The following HMCN1 variants were observed in gnomAD, a reference collection of about 807,000 sequenced individuals.
HMCN1 encodes hemicentin-1.
A neutral mutation model predicts 625.9 loss-of-function variants in HMCN1; 321 were observed. The observed-to-expected ratio is 0.51, with a 90% CI of 0.47 to 0.56. HMCN1 has a LOEUF of 0.56. HMCN1 is among the 20% of genes least tolerant of loss of function. The probability of loss-of-function intolerance (pLI) is 0.00; values close to 1 mark genes in which losing one functional copy is unlikely to be tolerated. For synonymous variants in HMCN1, 2,425 were observed against 2,417.6 expected, an observed-to-expected ratio of 1.00 and a Z score of -0.09; for missense variants, 6,588 against 6,887.3, an observed-to-expected ratio of 0.96 and a Z score of 1.54.
intron 53 of HMCN1, among the ~76,000 whole-genome samples, chr1:186,075,389 A>G (rs1251498711): frequency 6.6e-6 from 1 of 152,156 alleles, no homozygotes. Context: ...GAATAAATAA[A>G]TAAATAAATG....
intron 1 of HMCN1, among the ~76,000 whole-genome samples, chr1:185,808,387 T>C (rs1659307319): frequency 6.6e-6 from 1 of 151,834 alleles, no homozygotes; most frequent in African/African-American, 2.4e-5. Context: ...AAAATGGTGG[T>C]GCATGCCTGT....
rs973079674 is a variant in HMCN1, at chr1:186,119,277, C to T, written c.11935C>T (p.His3979Tyr). Reference sequence around the variant, plus strand: ...GAATGCGGCTGGCTCTGCACATCGACACGTGACCCTTCATGTTCATGGTAT... The same window carrying T: ...GAATGCGGCTGGCTCTGCACATCGATACGTGACCCTTCATGTTCATGGTAT... The part of the protein sequence containing the change: ...ARNAAGSAHR[H>Y]VTLHVHEPPV... The change falls in exon 78 of 107, where the codon CAC becomes TAC. Residue 3979 changes from histidine (H) to tyrosine (Y), a missense_variant. Physicochemically the swap from His to Tyr is moderately conservative, Grantham distance 83. Coordinates refer to ENST00000271588, the MANE Select transcript of HMCN1 (RefSeq NM_031935.3). 8.1e-6 allele frequency: 13 copies of T among 1,613,310 alleles called. No individual in the cohort carries two copies. The African/African-American group carries it at 1.7e-4, about 22-fold the overall frequency.
Position 186,095,375 on chromosome 1 carries a change from T to C in HMCN1, c.10427T>C (p.Leu3476Pro). The C allele has an allele frequency of 6.2e-7, 1 of 1,613,766 alleles. No individual in the cohort carries two copies. Among genetic ancestry groups the C allele is most frequent in the Non-Finnish European group, 8.5e-7 (1 of 1,179,858 alleles). Reference sequence around the variant, plus strand: ...GCCTGGCTTAGAGATGGCCAGCCTCTGGGGCTTGATGCCCATCTGACAGTC... The same window carrying C: ...GCCTGGCTTAGAGATGGCCAGCCTCCGGGGCTTGATGCCCATCTGACAGTC... ...SMAWLRDGQP[L>P]GLDAHLTVST... The change falls in exon 68 of 107, where the codon CTG becomes CCG. Residue 3476 changes from leucine to proline, a missense_variant. Around this residue, in one of 3 missense-constraint regions of HMCN1, gnomAD observed 4,628 missense variants for 4,853.1 expected, o/e 0.95. Transcript: ENST00000271588.
intron 4 of HMCN1, among the ~76,000 whole-genome samples, chr1:185,872,913 A>T (rs1410189823): frequency 6.6e-6 from 1 of 152,196 alleles, no homozygotes; most frequent in Non-Finnish European, 1.5e-5. Flanking sequence ...GATCCCTAGT[A>T]TAAAATTCAG....
chr1:186,025,240 C>A (rs1245182990), intron 36 of HMCN1, among the ~76,000 whole-genome samples: 1 of 152,260 alleles, frequency 6.6e-6, no homozygotes, highest in Admixed American at 6.5e-5. Context: ...TGCCACTCAC[C>A]TCCTGCTGTG....
chr1:185,810,034 T>C (rs1251383568), intron 1 of HMCN1, among the ~76,000 whole-genome samples: 2 of 152,256 alleles, frequency 1.3e-5, no homozygotes, highest in African/African-American at 4.8e-5. Context: ...AAACCGATCA[T>C]TGCCACTCTT....
At chr1:186,086,554 A>G in intron 58 of HMCN1, 147 bp downstream of exon 58, 1 of 804,360 alleles carries the variant, frequency 1.2e-6, no homozygotes, top group Non-Finnish European at 2.0e-6. Context: ...ATTTGTGGTC[A>G]TTAAGGTAAG....
At chr1:186,153,276 GC>G (rs1416848400) in intron 96 of HMCN1, among the ~76,000 whole-genome samples, 1 of 152,092 alleles carries the variant, frequency 6.6e-6, no homozygotes, top group Non-Finnish European at 1.5e-5. Flanking sequence ...ATTTATGACA[GC>G]AAAATTATGA....
At chr1:186,016,361 A>C (rs1007857923) in intron 32 of HMCN1, 122 bp downstream of exon 32, 1 of 891,346 alleles carries the variant, frequency 1.1e-6, no homozygotes, top group Non-Finnish European at 1.7e-6. Flanking sequence ...CCTCTGTGCA[A>C]CTGTGGATTG....
At chr1:186,043,258 T>G (rs1656327856) in intron 40 of HMCN1, among the ~76,000 whole-genome samples, 1 of 152,016 alleles carries the variant, frequency 6.6e-6, no homozygotes, top group Admixed American at 6.6e-5. Context: ...GGATAATATC[T>G]TAGGAAGCTG....
At chr1:186,039,576 T>A (rs900260475) in intron 38 of HMCN1, 152 bp from the exon 39 acceptor site, 3 of 768,948 alleles carry the variant, frequency 3.9e-6, no homozygotes, top group Non-Finnish European at 6.7e-6. Flanking sequence ...TGTGATTAGA[T>A]CTTAAATAAG....
chr1:185,977,532 T>A lies in HMCN1; in HGVS notation c.2372-255T>A, dbSNP rs547107001. Among the ~76,000 whole-genome samples, 22 of 152,290 alleles carry A rather than the reference T, an allele frequency of 1.4e-4. No homozygotes were observed. In the East Asian group the frequency reaches 3.3e-3, roughly 23 times the overall value. On this transcript the variant is annotated intron_variant, in intron 15 of 106. Transcript: ENST00000271588. ...TTCTCTTTATTTAAGGTTATTATAA[T>A]TTGAAGTCCCATGCTTTTTATCATC...
intron 64 of HMCN1, among the ~76,000 whole-genome samples, chr1:186,092,662 A>AAT (rs11428061): frequency 1.3e-5 from 2 of 151,700 alleles, no homozygotes; most frequent in South Asian, 2.1e-4. Flanking sequence ...GTAGAAAAAA[A>AAT]GTTTGCAAAA....
chr1:186,114,990 G>T, intron 74 of HMCN1, 44 bp downstream of exon 74: 1 of 1,613,286 alleles, frequency 6.2e-7, no homozygotes, highest in Admixed American at 1.7e-5. Context: ...TGTGTCAAAT[G>T]CTCTTTGATT....
At chr1:185,907,482 ATCT>A (rs759453725) in intron 4 of HMCN1, among the ~76,000 whole-genome samples, 15 of 151,970 alleles carry the variant, frequency 9.9e-5, no homozygotes, top group South Asian at 6.2e-4. Context: ...TTCCAGCCTC[ATCT>A]TCTTCTTTTT....
intron 4 of HMCN1, among the ~76,000 whole-genome samples, chr1:185,888,643 G>A (rs1363325757): frequency 1.4e-5 from 2 of 147,230 alleles, no homozygotes; most frequent in Non-Finnish European, 2.9e-5. Flanking sequence ...ATTTCTGAGG[G>A]CTCTGTTGTG....
At chr1:185,748,327 T>A (rs1479870640) in intron 1 of HMCN1, among the ~76,000 whole-genome samples, 1 of 152,114 alleles carries the variant, frequency 6.6e-6, no homozygotes, top group Admixed American at 6.5e-5. Flanking sequence ...ATCATTACAC[T>A]TTTGCCTTGA....
At chr1:186,147,980 T>C (rs183508322) in intron 93 of HMCN1, among the ~76,000 whole-genome samples, 1 of 152,336 alleles carries the variant, frequency 6.6e-6, no homozygotes, top group East Asian at 1.9e-4. Context: ...TCATGAATGA[T>C]TTCTCTGTAG....
intron 84 of HMCN1, 71 bp downstream of exon 84, chr1:186,130,171 T>C (rs1661856674): frequency 1.9e-6 from 3 of 1,590,638 alleles, no homozygotes; most frequent in Non-Finnish European, 2.6e-6. Flanking sequence ...GCTTCTTTAT[T>C]TTATGGTAAT....
Sources: gnomAD v4.1 joint callset for allele counts (sites outside exome capture counted in the v4.1 genomes callset) on GRCh38, gnomAD v4.1.1 for gene constraint, gnomAD v4.1.1 regional missense constraint, MANE v1.5 for transcripts, NCBI Gene and HGNC (gene_info 2026-07-23, HGNC 2026-07-21) for gene names.